Variants in RGS7BP observed in about 807,000 individuals in gnomAD.
RGS7BP encodes regulator of G protein signaling 7 binding protein, also known as regulator of G protein signaling 7-binding protein.
In RGS7BP, 9 loss-of-function variants were observed where a neutral mutation model predicts 31.3. That is an observed-to-expected ratio of 0.29 (90% CI 0.17 to 0.50). The LOEUF (loss-of-function observed/expected upper bound fraction) is 0.50, where lower values mean the gene tolerates loss of function less well. Among genes scored for constraint, RGS7BP ranks in the 20% least tolerant of loss-of-function variants. RGS7BP has a pLI of 0.98. For missense variants in RGS7BP, 274 were observed against 322.0 expected (o/e 0.85, Z 1.14); for synonymous variants, 115 against 120.1 (o/e 0.96, Z 0.28).
At chr5:64,534,853 G>A (rs1475442277) in intron 2 of RGS7BP, among the ~76,000 whole-genome samples, 2 of 152,196 alleles carry the variant, frequency 1.3e-5, no homozygotes, top group Admixed American at 6.5e-5. Context: ...AGTTCATGTA[G>A]GGAGATGATG....
At chr5:64,530,239 TA>T (rs1749335898) in intron 2 of RGS7BP, among the ~76,000 whole-genome samples, 1 of 152,188 alleles carries the variant, frequency 6.6e-6, no homozygotes. Flanking sequence ...AGTAATGACA[TA>T]GGGGCCTTTT....
intron 2 of RGS7BP, among the ~76,000 whole-genome samples, chr5:64,544,626 A>G (rs1261047139): frequency 6.6e-6 from 1 of 151,922 alleles, no homozygotes; most frequent in African/African-American, 2.4e-5. Flanking sequence ...GTAAGTTTTG[A>G]TCATGTAACT....
chr5:64,525,065 T>C (rs538231647), intron 2 of RGS7BP, among the ~76,000 whole-genome samples: 120 of 152,266 alleles, frequency 7.9e-4, no homozygotes, highest in African/African-American at 2.7e-3. Context: ...TTTGAGTTTA[T>C]TCTAGGGTCC....
intron 4 of RGS7BP, among the ~76,000 whole-genome samples, chr5:64,597,522 G>A (rs964648575): frequency 4.6e-5 from 7 of 151,796 alleles, no homozygotes; most frequent in African/African-American, 1.7e-4. Context: ...CCAAGTCAAT[G>A]TAATAAGTGT....
chr5:64,606,223 C>G (rs1460106557), intron 5 of RGS7BP, among the ~76,000 whole-genome samples: 1 of 151,528 alleles, frequency 6.6e-6, no homozygotes, highest in Non-Finnish European at 1.5e-5. Context: ...TTAATATATA[C>G]AAAAACAAGA....
chr5:64,608,783 C>A (rs1401070879), intron 5 of RGS7BP, among the ~76,000 whole-genome samples: 2 of 152,038 alleles, frequency 1.3e-5, no homozygotes, highest in African/African-American at 4.8e-5. Context: ...AGCATGGGTT[C>A]TTTCAAATAA....
rs577357622 is a variant in RGS7BP at position 64,569,897 on chromosome 5, G to A, written c.333-5877G>A. Among the ~76,000 whole-genome samples, 5 of 152,248 alleles carry A rather than the reference G, an allele frequency of 3.3e-5. No individual in the cohort carries two copies. In the South Asian group the frequency reaches 8.3e-4, roughly 25 times the overall value. ...TTCCCTCATCCTGTTTTGGCTTCCT[G>A]GGTCTTTCCTTGCCACTTGGCATAA... On this transcript the variant is annotated intron_variant, in intron 2 of 5. Coordinates refer to ENST00000334025, the MANE Select transcript of RGS7BP (RefSeq NM_001029875.3).
chr5:64,548,342 G>A (rs1394090413), intron 2 of RGS7BP, among the ~76,000 whole-genome samples: 1 of 152,114 alleles, frequency 6.6e-6, no homozygotes, highest in African/African-American at 2.4e-5. Flanking sequence ...AATTGAGTCA[G>A]AAAGGCCTTT....
chr5:64,535,255 C>A (rs907871180), intron 2 of RGS7BP, among the ~76,000 whole-genome samples: 4 of 152,170 alleles, frequency 2.6e-5, no homozygotes, highest in South Asian at 2.1e-4. Context: ...TACTTATTCC[C>A]TATCCTGATC....
chr5:64,548,919 T>C (rs1741725123), intron 2 of RGS7BP, among the ~76,000 whole-genome samples: 1 of 151,164 alleles, frequency 6.6e-6, no homozygotes, highest in Admixed American at 6.6e-5. Context: ...TACCATCACA[T>C]TGTGGGTTAG....
chr5:64,572,708 C>T (rs1742327201), intron 2 of RGS7BP, among the ~76,000 whole-genome samples: 1 of 151,934 alleles, frequency 6.6e-6, no homozygotes, highest in East Asian at 1.9e-4. Context: ...CTTCTTGCAA[C>T]AAGTTTGAGA....
chr5:64,590,566 C>G (rs1357118528), intron 3 of RGS7BP, among the ~76,000 whole-genome samples: 1 of 152,052 alleles, frequency 6.6e-6, no homozygotes, highest in Admixed American at 6.5e-5. Flanking sequence ...TTTAAATAAA[C>G]CATTAAACCC....
In RGS7BP at chr5:64,550,526, G is replaced by GAGACAC. The variant is rs200721705; in HGVS notation, c.333-25247_333-25246insGACACA. Among the ~76,000 whole-genome samples the GAGACAC allele has an allele frequency of 5.3e-5, 8 of 150,182 alleles. 1 individual carries two copies. The highest frequency in any genetic ancestry group is 1.8e-4 in the African/African-American group (7 of 39,824). ...CTTTAACATATGAATTTGGTGAGGG[G>GAGACAC]ATTCAGGCCATAATGTAGAATATTT... On this transcript the variant is annotated intron_variant, in intron 2 of 5. Coordinates refer to ENST00000334025, the MANE Select transcript of RGS7BP (RefSeq NM_001029875.3).
At position 64,506,842 on chromosome 5, in the gene RGS7BP, G is replaced by C. The variant is rs1290922504; in HGVS notation, c.165+53G>C. On this transcript the variant is annotated intron_variant, in intron 1 of 5. Transcript: ENST00000334025. This position sits in a 1 kb window ranked among gnomAD's most constrained non-coding sequence, Gnocchi z 4.6. ...TTTTTTTTAATTGAGAGGGGGTGGG[G>C]GGAGTCATGTATGTTAATCATTTGC... is the stretch of plus-strand genomic sequence containing the variant. 6.6e-7 allele frequency: 1 copy of C among 1,505,130 alleles called. No homozygotes were observed. Among genetic ancestry groups the C allele is most frequent in the Non-Finnish European group, 9.0e-7 (1 of 1,115,306 alleles). 93.2% of individuals were successfully genotyped at this position (1,505,130 alleles called of 1,614,324 possible).
At chr5:64,541,781 A>G (rs1741532223) in intron 2 of RGS7BP, among the ~76,000 whole-genome samples, 2 of 151,934 alleles carry the variant, frequency 1.3e-5, no homozygotes, top group Non-Finnish European at 2.9e-5. Context: ...TACTCAGTGT[A>G]CTAAATCCAC....
intron 5 of RGS7BP, among the ~76,000 whole-genome samples, chr5:64,606,295 T>G (rs558753401): frequency 1.1e-4 from 15 of 131,652 alleles, no homozygotes; most frequent in African/African-American, 4.3e-4. Flanking sequence ...AAATACAACA[T>G]TGTGGTAGGT....
intron 2 of RGS7BP, among the ~76,000 whole-genome samples, chr5:64,518,452 A>G (rs1353975240): frequency 6.6e-6 from 1 of 152,142 alleles, no homozygotes; most frequent in African/African-American, 2.4e-5. Flanking sequence ...ATAAAACAAG[A>G]TGATATTATT....
rs550274145 is a variant in RGS7BP at position 64,594,699 on chromosome 5, C to T, written c.464-11C>T. The T allele has an allele frequency of 1.7e-5, 27 of 1,613,378 alleles. No individual in the cohort carries two copies. The highest frequency in any genetic ancestry group is 3.3e-4 in the Middle Eastern group (2 of 6,072). ...TTCCTCTTCTCTTTACCAACACCCTCCCTCCCTTAGGAAAGGAACCTGGCG... is the reference window on the plus strand; with the variant it reads ...TTCCTCTTCTCTTTACCAACACCCTTCCTCCCTTAGGAAAGGAACCTGGCG... On this transcript the variant is annotated splice_polypyrimidine_tract_variant and intron_variant, in intron 3 of 5. Coordinates refer to ENST00000334025, the MANE Select transcript of RGS7BP (RefSeq NM_001029875.3).
intron 2 of RGS7BP, among the ~76,000 whole-genome samples, chr5:64,566,036 G>T (rs1388364059): frequency 2.0e-5 from 3 of 152,062 alleles, no homozygotes; most frequent in African/African-American, 4.8e-5. Context: ...AGCTGAAAAA[G>T]ACTGCAAAAG....
Sources: gnomAD v4.1 joint callset for allele counts (sites outside exome capture counted in the v4.1 genomes callset) on GRCh38, gnomAD v4.1.1 for gene constraint, Gnocchi (gnomAD v3.1) non-coding constraint, MANE v1.5 for transcripts, NCBI Gene and HGNC (gene_info 2026-07-23, HGNC 2026-07-21) for gene names.